CABP5: variants seen among roughly 807,000 people sequenced by gnomAD.
CABP5 encodes calcium binding protein 5, also known as calcium-binding protein 5.
In CABP5, 17 loss-of-function variants were observed where a neutral mutation model predicts 21.9. The observed-to-expected ratio is 0.78, with a 90% CI of 0.53 to 1.17. The LOEUF (loss-of-function observed/expected upper bound fraction) is 1.17. CABP5 is among the 50% of genes most tolerant of loss of function. The pLI, the probability that CABP5 is intolerant of heterozygous loss-of-function variation, is 0.00. For synonymous variants in CABP5, 85 were observed against 79.4 expected (o/e 1.07, Z -0.37); for missense variants, 229 against 228.9 (o/e 1.00, Z 0.00).
intron 5 of CABP5, among the ~76,000 whole-genome samples, chr19:48,033,717 T>C (rs1267262190): frequency 6.6e-6 from 1 of 152,080 alleles, no homozygotes; most frequent in Admixed American, 6.6e-5. Context: ...TTCTTTTAGT[T>C]TTCTCCAAAA....
intron 1 of CABP5, among the ~76,000 whole-genome samples, chr19:48,042,330 A>G (rs561428078): frequency 4.8e-4 from 73 of 152,296 alleles, no homozygotes; most frequent in African/African-American, 1.7e-3. Flanking sequence ...TTCAGGCAGG[A>G]GGGTCAGTGC....
rs1400493316 is a variant in CABP5 at position 48,030,660 on chromosome 19, T to C, written c.497-78A>G. On this transcript the variant is annotated intron_variant, in intron 5 of 5. Coordinates refer to ENST00000293255, the MANE Select transcript of CABP5 (RefSeq NM_019855.5). ...AACATTATTTTTTGAGCCCTTCCTA[T>C]GTGGCAGGCACTGCTGGTGATCCCT... 12 of 1,403,394 alleles carry C rather than the reference T, an allele frequency of 8.6e-6. No homozygotes were observed. In the East Asian group the frequency reaches 2.5e-4, roughly 29 times the overall value. The allele number at this position is 1,403,394 out of a possible 1,614,324, so 86.9% of individuals were successfully genotyped here. A position where few individuals can be genotyped will look rare whatever the true frequency, so the allele number is the denominator to read the frequency against.
Position 48,039,281 on chromosome 19 carries a change from A to G in CABP5, c.275T>C (p.Leu92Pro), listed in dbSNP as rs1967450120. 1.2e-6 allele frequency: 2 copies of G among 1,613,994 alleles called. No individual in the cohort carries two copies. The highest frequency in any genetic ancestry group is 2.7e-5 in the African/African-American group (2 of 74,896). ...GRVDFDDFVE[L>P]MTPKLLAETA... ...TTCTGCAAGCAATTTGGGGGTCATC[A>G]GCTCCACAAAGTCATCAAAGTCTAC... The change falls in exon 4 of 6, where the codon CTG (leucine) becomes CCG (proline). Residue 92 changes from leucine (L) to proline (P), a missense_variant. Transcript: ENST00000293255.
In CABP5 at chr19:48,041,585, C is replaced by G. The variant is rs745718288; in HGVS notation, c.82G>C (p.Asp28His). 6.2e-7 allele frequency: 1 copy of G among 1,611,970 alleles called. No homozygotes were observed. The highest frequency in any genetic ancestry group is 8.5e-7 in the Non-Finnish European group (1 of 1,179,406). The change falls in exon 2 of 6, where the codon GAT (aspartate) becomes CAT (histidine). Residue 28 changes from aspartate (D) to histidine (H), a missense_variant. Coordinates refer to ENST00000293255, the MANE Select transcript of CABP5 (RefSeq NM_019855.5). Reference sequence around the variant, plus strand: ...AAGACGGTGTTACCTTCAATCTCATCTTGTCCCAGTGGTCTTTCCTGGAAA... The same window carrying G: ...AAGACGGTGTTACCTTCAATCTCATGTTGTCCCAGTGGTCTTTCCTGGAAA... ...EKQRERPLGQDEIEELREAFL... is the reference protein window; with the variant it reads ...EKQRERPLGQHEIEELREAFL...
chr19:48,034,482 G>A (rs1031443391), intron 4 of CABP5, 120 bp from the exon 5 acceptor site: 23 of 636,700 alleles, frequency 3.6e-5, no homozygotes, highest in Admixed American at 1.5e-4. Context: ...GGGAATGTGA[G>A]CCACTAGAAC....
intron 1 of CABP5, among the ~76,000 whole-genome samples, chr19:48,042,427 C>T (rs1457094620): frequency 6.6e-6 from 1 of 152,198 alleles, no homozygotes; most frequent in Non-Finnish European, 1.5e-5. Context: ...GTTGGGCTTA[C>T]ATATACATGG....
rs997876448 is a variant in CABP5, at chr19:48,040,588, C to G, written c.238+17G>C. ...CCTTCCCTAACCCCGGCCATCCCTC[C>G]CATTCCCTGGACTCACGGTTCATGC... On this transcript the variant is annotated intron_variant, in intron 3 of 5. Coordinates refer to ENST00000293255, the MANE Select transcript of CABP5 (RefSeq NM_019855.5). 1.9e-6 allele frequency: 3 copies of G among 1,613,636 alleles called. No individual in the cohort carries two copies. The highest frequency in any genetic ancestry group is 2.5e-6 in the Non-Finnish European group (3 of 1,179,742).
At chr19:48,042,446 C>T (rs1157414376) in intron 1 of CABP5, among the ~76,000 whole-genome samples, 1 of 152,208 alleles carries the variant, frequency 6.6e-6, no homozygotes, top group African/African-American at 2.4e-5. Flanking sequence ...GGCATGTTAA[C>T]AAGGAAATTC....
At chr19:48,039,124 G>T in intron 4 of CABP5, 84 bp downstream of exon 4, 1 of 1,050,320 alleles carries the variant, frequency 9.5e-7, no homozygotes. Flanking sequence ...GTTGGTGGGT[G>T]CTGTCCATGG....
At chr19:48,035,765 G>C (rs1314785885) in intron 4 of CABP5, among the ~76,000 whole-genome samples, 3 of 152,226 alleles carry the variant, frequency 2.0e-5, no homozygotes, top group Non-Finnish European at 4.4e-5. Context: ...GTGAGCTGGG[G>C]AGAAATGAGC....
At chr19:48,040,786 A>C in intron 2 of CABP5, 38 bp from the exon 3 acceptor site, 1 of 1,610,440 alleles carries the variant, frequency 6.2e-7, no homozygotes. Flanking sequence ...AACTTGAAGC[A>C]GTCAGTGGGG....
At chr19:48,032,930 C>A (rs17663523) in intron 5 of CABP5, among the ~76,000 whole-genome samples, 9 of 151,584 alleles carry the variant, frequency 5.9e-5, no homozygotes, top group African/African-American at 2.2e-4. Flanking sequence ...TGAGCCCGGC[C>A]AGAATTTTGG....
chr19:48,042,882 CT>C (rs1300807933), intron 1 of CABP5, among the ~76,000 whole-genome samples: 1 of 152,136 alleles, frequency 6.6e-6, no homozygotes, highest in African/African-American at 2.4e-5. Context: ...TTTTTATTCT[CT>C]TTTTTTGGTG....
chr19:48,033,234 C>A (rs1318237268), intron 5 of CABP5, among the ~76,000 whole-genome samples: 1 of 152,082 alleles, frequency 6.6e-6, no homozygotes, highest in East Asian at 1.9e-4. Context: ...AAACTACTAA[C>A]CTCAGGTGAT....
intron 1 of CABP5, 36 bp downstream of exon 1, chr19:48,043,824 C>A: frequency 1.4e-6 from 2 of 1,469,162 alleles, no homozygotes; most frequent in South Asian, 1.4e-5. Context: ...TCCCTTTGCC[C>A]CGCCCACCGC....
chr19:48,041,931 A>G (rs909338713), intron 1 of CABP5, among the ~76,000 whole-genome samples: 5 of 152,190 alleles, frequency 3.3e-5, no homozygotes, highest in Non-Finnish European at 7.3e-5. Flanking sequence ...GTGAGACTTC[A>G]CAACCACAGC....
At chr19:48,043,576 A>G (rs1385744452) in intron 1 of CABP5, among the ~76,000 whole-genome samples, 2 of 2,412 alleles carry the variant, frequency 8.3e-4, no homozygotes, top group Admixed American at 8.1e-3. Flanking sequence ...TCCATAGAAA[A>G]GAATGATGGT....
At chr19:48,031,273 C>G (rs2082355269) in intron 5 of CABP5, among the ~76,000 whole-genome samples, 1 of 152,176 alleles carries the variant, frequency 6.6e-6, no homozygotes, top group South Asian at 2.1e-4. Context: ...GGCGCGGTGG[C>G]TCATAACTGT....
rs781511294 is a variant in CABP5, at chr19:48,030,286, G to T, written c.*271C>A. 2.3e-6 allele frequency: 1 copy of T among 426,592 alleles called. No individual in the cohort carries two copies. Among genetic ancestry groups the T allele is most frequent in the Non-Finnish European group, 4.1e-6 (1 of 242,318 alleles). 26.4% of individuals were successfully genotyped at this position (426,592 alleles called of 1,614,324 possible). ...AGTGAAAAGATGTCAAGAATCATTG[G>T]AATTTTTGGGGGTGGCAACTGGACC... is the stretch of plus-strand genomic sequence containing the variant. On this transcript the variant is annotated 3_prime_UTR_variant, in exon 6 of 6. Coordinates refer to ENST00000293255, the MANE Select transcript of CABP5 (RefSeq NM_019855.5).
Sources: gnomAD v4.1 joint callset for allele counts (sites outside exome capture counted in the v4.1 genomes callset) on GRCh38, gnomAD v4.1.1 for gene constraint, MANE v1.5 for transcripts, NCBI Gene and HGNC (gene_info 2026-07-23, HGNC 2026-07-21) for gene names.